Variants in PIP5K1A observed in about 807,000 individuals in gnomAD.
PIP5K1A encodes phosphatidylinositol 4-phosphate 5-kinase type-1 alpha.
PIP5K1A carries 46 observed loss-of-function variants against 72.9 expected under a neutral mutation model. That is an observed-to-expected ratio of 0.63 (90% CI 0.50 to 0.81). The LOEUF (loss-of-function observed/expected upper bound fraction) is 0.81. PIP5K1A is among the 30% of genes least tolerant of loss of function. The pLI is 0.00. For missense variants in PIP5K1A, 458 were observed against 706.1 expected (o/e 0.65, Z 3.98); for synonymous variants, 228 against 255.1 (o/e 0.89, Z 1.01).
At chr1:151,242,617 T>G in intron 14 of PIP5K1A, 50 bp downstream of exon 14, 1 of 1,508,364 alleles carries the variant, frequency 6.6e-7, no homozygotes, top group Non-Finnish European at 9.2e-7. Context: ...TCTTTTCAAG[T>G]CCTTGGAAAC....
chr1:151,203,458 G>A (rs1199750425), intron 1 of PIP5K1A, among the ~76,000 whole-genome samples: 1 of 150,944 alleles, frequency 6.6e-6, no homozygotes, highest in African/African-American at 2.4e-5. Context: ...GAACCCGGGG[G>A]ACAGAGGTTG....
In PIP5K1A at chr1:151,248,897, AACAG is replaced by A. The variant is rs1692840753; in HGVS notation, c.*1037_*1040del. The A allele has an allele frequency of 2.0e-5, 3 of 152,548 alleles. No homozygotes were observed. The highest frequency in any genetic ancestry group is 4.8e-5 in the African/African-American group (2 of 41,414). 9.4% of individuals were successfully genotyped at this position (152,548 alleles called of 1,614,324 possible). A position where few individuals can be genotyped will look rare whatever the true frequency, so the allele number is the denominator to read the frequency against. On this transcript the variant is annotated 3_prime_UTR_variant, in exon 16 of 16. Coordinates refer to ENST00000368888, the MANE Select transcript of PIP5K1A (RefSeq NM_001135638.2). Reference sequence around the variant, plus strand: ...AAAGAGGGGACACTTCTGTCTGTTTAACAGACAGTCCATATCTGTGAGGCCAGCA... The same window carrying A: ...AAAGAGGGGACACTTCTGTCTGTTTAACAGTCCATATCTGTGAGGCCAGCA...
rs34356281 is a variant in PIP5K1A at position 151,229,167 on chromosome 1, C to CAAAAA, written c.237+1789_237+1793dup. Among the ~76,000 whole-genome samples, 49 of 41,348 alleles carry CAAAAA rather than the reference C, an allele frequency of 1.2e-3. 5 individuals are homozygous for CAAAAA. Among genetic ancestry groups the CAAAAA allele is most frequent in the Admixed American group, 2.3e-3 (5 of 2,202 alleles). The allele number at this position is 41,348 out of a possible 152,430, so 27.1% of individuals were successfully genotyped here. The stretch of plus-strand genomic sequence containing the variant: ...TGGGCAACAGAGCGAGACCCCGTCT[C>CAAAAA]AAAAAAAAAAAAAAAAAAAAAAAAA... On this transcript the variant is annotated intron_variant, in intron 4 of 15. Coordinates refer to ENST00000368888, the MANE Select transcript of PIP5K1A (RefSeq NM_001135638.2).
intron 1 of PIP5K1A, among the ~76,000 whole-genome samples, chr1:151,217,245 A>T (rs1463863711): frequency 2.0e-5 from 3 of 151,912 alleles, no homozygotes; most frequent in African/African-American, 7.3e-5. Context: ...AACCTAGCAA[A>T]CCTAGGTGTT....
intron 1 of PIP5K1A, among the ~76,000 whole-genome samples, chr1:151,200,750 G>A (rs1256245021): frequency 1.3e-5 from 2 of 152,042 alleles, no homozygotes; most frequent in Non-Finnish European, 2.9e-5. Flanking sequence ...AAAAGTATTA[G>A]GGGACCAGAA....
At position 151,234,349 on chromosome 1, in the gene PIP5K1A, C is replaced by G; in HGVS notation, c.792C>G (p.Thr264=). ...MHIKYDLKGS[T]YKRRASQKER... is the part of the protein sequence containing the mutation. ...TCAAATATGACCTCAAAGGCTCAACCTACAAACGGCGGGCTTCCCAGAAAG... is the reference window on the plus strand; with the variant it reads ...TCAAATATGACCTCAAAGGCTCAACGTACAAACGGCGGGCTTCCCAGAAAG... Residue 264 remains threonine (T), a synonymous_variant, in exon 8 of 16, where the codon ACC becomes ACG. Transcript: ENST00000368888. 6.2e-7 allele frequency: 1 copy of G among 1,614,116 alleles called. No individual in the cohort carries two copies. The highest frequency in any genetic ancestry group is 8.5e-7 in the Non-Finnish European group (1 of 1,179,982).
intron 1 of PIP5K1A, among the ~76,000 whole-genome samples, chr1:151,218,771 T>G (rs1240246316): frequency 6.7e-6 from 1 of 148,426 alleles, no homozygotes; most frequent in East Asian, 2.0e-4. Flanking sequence ...AGATGGAGGT[T>G]GCAGTGAGCT....
intron 10 of PIP5K1A, 90 bp downstream of exon 10, chr1:151,238,355 T>A: frequency 2.3e-6 from 2 of 864,960 alleles, no homozygotes; most frequent in South Asian, 2.7e-5. Context: ...ACCAAGTTCT[T>A]CCGGAAGCAA....
At chr1:151,228,666 G>T (rs1220723656) in intron 4 of PIP5K1A, among the ~76,000 whole-genome samples, 2 of 152,140 alleles carry the variant, frequency 1.3e-5, no homozygotes, top group African/African-American at 4.8e-5. Context: ...CTTCCTGAGG[G>T]ACAGTGTTCA....
chr1:151,227,572 C>T (rs776533715), intron 4 of PIP5K1A, among the ~76,000 whole-genome samples, 172 bp downstream of exon 4: 4 of 152,192 alleles, frequency 2.6e-5, no homozygotes, highest in Non-Finnish European at 5.9e-5. Flanking sequence ...TAAATTGTCT[C>T]CTTTTTGTAT....
chr1:151,236,676 C>G lies in PIP5K1A; in HGVS notation c.1058C>G (p.Pro353Arg). Residue 353 changes from proline to arginine, a missense_variant, in exon 9 of 16, where the codon CCG becomes CGG. This residue lies in a region of PIP5K1A where 220 missense variants were observed against 442.6 expected (regional missense o/e 0.50). Coordinates refer to ENST00000368888, the MANE Select transcript of PIP5K1A (RefSeq NM_001135638.2). ...ETQYSVDTRR[P>R]APQKALYSTA... ...CAGTACTCAGTTGATACTCGAAGAC[C>G]GGCCCCCCAAAAGGCTCTGTATTCC... 1.2e-6 allele frequency: 2 copies of G among 1,613,878 alleles called. No individual in the cohort carries two copies. Among genetic ancestry groups the G allele is most frequent in the Non-Finnish European group, 1.7e-6 (2 of 1,179,902 alleles).
chr1:151,236,522 T>G, intron 8 of PIP5K1A, 36 bp from the exon 9 acceptor site: 1 of 1,438,910 alleles, frequency 6.9e-7, no homozygotes, highest in Non-Finnish European at 9.6e-7. Context: ...TTTTATTTCT[T>G]CCAAGGCTCA....
chr1:151,204,903 A>G (rs946941973), intron 1 of PIP5K1A, among the ~76,000 whole-genome samples: 7 of 152,246 alleles, frequency 4.6e-5, no homozygotes, highest in African/African-American at 1.7e-4. Flanking sequence ...CTTACACGTT[A>G]GCGTTGAATA....
At chr1:151,200,399 A>G (rs1385786949) in intron 1 of PIP5K1A, among the ~76,000 whole-genome samples, 2 of 112,922 alleles carry the variant, frequency 1.8e-5, no homozygotes, top group Non-Finnish European at 3.4e-5. Context: ...GTAGGGGAGA[A>G]AGTGTGTGTA....
At chr1:151,205,478 TCC>T (rs1685802968) in intron 1 of PIP5K1A, among the ~76,000 whole-genome samples, 1 of 151,646 alleles carries the variant, frequency 6.6e-6, no homozygotes, top group Admixed American at 6.6e-5. Flanking sequence ...CCGGCCTCTC[TCC>T]TAGAATTTTG....
At chr1:151,219,642 C>T (rs1688122822) in intron 1 of PIP5K1A, among the ~76,000 whole-genome samples, 1 of 151,704 alleles carries the variant, frequency 6.6e-6, no homozygotes, top group East Asian at 1.9e-4. Flanking sequence ...TGCGGTGATC[C>T]GAGATTGTAC....
intron 4 of PIP5K1A, among the ~76,000 whole-genome samples, chr1:151,229,970 C>G (rs1222978040): frequency 6.6e-6 from 1 of 152,002 alleles, no homozygotes; most frequent in African/African-American, 2.4e-5. Flanking sequence ...CGCCTGTAGT[C>G]CCAGCTACTC....
At chr1:151,225,771 CTTTTCTT>C (rs1376616496) in intron 3 of PIP5K1A, among the ~76,000 whole-genome samples, 1 of 151,108 alleles carries the variant, frequency 6.6e-6, no homozygotes, top group Admixed American at 6.6e-5. Context: ...CGCCTGGCCT[CTTTTCTT>C]TTTTCTTTTT....
chr1:151,242,515 G>C lies in PIP5K1A; in HGVS notation c.1588G>C (p.Asp530His), dbSNP rs765787767. Residue 530 changes from aspartate (D) to histidine (H), a missense_variant, in exon 14 of 16, where the codon GAC becomes CAC. By Grantham distance (81) the Asp-to-His change is moderately conservative (BLOSUM62 -1). Around this residue, in one of 3 missense-constraint regions of PIP5K1A, gnomAD observed 157 missense variants for 175.5 expected, o/e 0.89. Transcript: ENST00000368888. Reference sequence around the variant, plus strand: ...AATCAGTGAGGGCTCGCCTATTCCTGACCCCAGTTTCTCACCTCTAGTTGG... The same window carrying C: ...AATCAGTGAGGGCTCGCCTATTCCTCACCCCAGTTTCTCACCTCTAGTTGG... ...EEISEGSPIPDPSFSPLVGET... is the reference protein window; with the variant it reads ...EEISEGSPIPHPSFSPLVGET... 1 of 1,613,972 alleles carries C rather than the reference G, an allele frequency of 6.2e-7. No homozygotes were observed. The highest frequency in any genetic ancestry group is 8.5e-7 in the Non-Finnish European group (1 of 1,179,874).
Sources: gnomAD v4.1 joint callset for allele counts (sites outside exome capture counted in the v4.1 genomes callset) on GRCh38, gnomAD v4.1.1 for gene constraint, gnomAD v4.1.1 regional missense constraint, MANE v1.5 for transcripts, NCBI Gene and HGNC (gene_info 2026-07-23, HGNC 2026-07-21) for gene names.